GPC5: variants seen among roughly 807,000 people sequenced by gnomAD.
GPC5 encodes the protein glypican 5, also known as glypican-5.
Under a neutral mutation model 53.9 loss-of-function variants are expected in GPC5, and 47 were observed. The observed-to-expected ratio is 0.87, with a 90% CI of 0.69 to 1.11. GPC5 has a LOEUF of 1.11. Ranked by LOEUF, GPC5 falls within the 50% of genes most tolerant of loss-of-function variation. The pLI, the probability that GPC5 is intolerant of heterozygous loss-of-function variation, is 0.00. For synonymous variants in GPC5, 286 were observed against 263.3 expected, an observed-to-expected ratio of 1.09 and a Z score of -0.84; for missense variants, 748 against 713.1, an observed-to-expected ratio of 1.05 and a Z score of -0.56.
intron 7 of GPC5, among the ~76,000 whole-genome samples, chr13:92,482,556 C>A (rs1879398192): frequency 1.3e-5 from 2 of 152,244 alleles, no homozygotes; most frequent in South Asian, 4.1e-4. Context: ...TTCTTTCCAG[C>A]TTTGGCCAGG....
intron 7 of GPC5, among the ~76,000 whole-genome samples, chr13:92,769,046 G>T (rs114142836): frequency 2.0e-3 from 311 of 152,210 alleles, no homozygotes; most frequent in African/African-American, 7.1e-3. Context: ...CTTACAGATT[G>T]TATATAACTA....
intron 7 of GPC5, among the ~76,000 whole-genome samples, chr13:92,476,741 G>T (rs1239676122): frequency 4.0e-5 from 6 of 148,434 alleles, no homozygotes; most frequent in Non-Finnish European, 5.9e-5. Flanking sequence ...CATGTCCTTT[G>T]TAGGGACATG....
At chr13:92,067,178 T>G (rs2041174087) in intron 6 of GPC5, among the ~76,000 whole-genome samples, 1 of 152,090 alleles carries the variant, frequency 6.6e-6, no homozygotes, top group Non-Finnish European at 1.5e-5. Flanking sequence ...TGGGACTATT[T>G]GCTCCGTTTC....
chr13:91,823,477 T>C (rs1204552254), intron 5 of GPC5, among the ~76,000 whole-genome samples: 4 of 152,104 alleles, frequency 2.6e-5, no homozygotes, highest in Non-Finnish European at 5.9e-5. Context: ...GAAAGTAAAT[T>C]AATGCTCCCA....
chr13:91,399,474 G>A (rs573159838), intron 1 of GPC5, among the ~76,000 whole-genome samples: 21 of 152,306 alleles, frequency 1.4e-4, no homozygotes, highest in African/African-American at 5.1e-4. Context: ...CTTGGAGGAT[G>A]AGTTGGAAGG....
Position 91,619,631 on chromosome 13 carries a change from T to A in GPC5, c.326-73556T>A, listed in dbSNP as rs140291766. On this transcript the variant is annotated intron_variant, in intron 2 of 7. Transcript: ENST00000377067. The stretch of plus-strand genomic sequence containing the variant: ...TAATTTAACTGGAGAAAATTTAGGA[T>A]CCATGAATGTCACACACACACAGAA... Among the ~76,000 whole-genome samples, 341 of 152,168 alleles carry A rather than the reference T, an allele frequency of 2.2e-3. 3 individuals carry two copies. Among genetic ancestry groups the A allele is most frequent in the African/African-American group, 7.8e-3 (324 of 41,526 alleles).
At chr13:91,770,714 GTGT>G (rs1191592593) in intron 5 of GPC5, among the ~76,000 whole-genome samples, 1 of 151,482 alleles carries the variant, frequency 6.6e-6, no homozygotes, top group African/African-American at 2.4e-5. Flanking sequence ...TTGTGTGTGT[GTGT>G]GTGTGTGTGT....
At chr13:92,799,142 T>C (rs1019237929) in intron 7 of GPC5, among the ~76,000 whole-genome samples, 2 of 151,714 alleles carry the variant, frequency 1.3e-5, no homozygotes, top group Admixed American at 6.6e-5. Context: ...CTGTGGTAAA[T>C]GAGGATATTT....
intron 5 of GPC5, among the ~76,000 whole-genome samples, chr13:91,761,277 T>C (rs1305790066): frequency 6.6e-6 from 1 of 152,168 alleles, no homozygotes; most frequent in Admixed American, 6.5e-5. Flanking sequence ...AGTACCTTTT[T>C]GAAGAAAACT....
intron 7 of GPC5, among the ~76,000 whole-genome samples, chr13:92,369,913 T>C (rs1467750052): frequency 6.6e-6 from 1 of 152,194 alleles, no homozygotes; most frequent in East Asian, 1.9e-4. Context: ...AGTCAACAAA[T>C]AGTTAATAAA....
intron 7 of GPC5, among the ~76,000 whole-genome samples, chr13:92,609,445 A>G (rs1011114056): frequency 2.0e-5 from 3 of 152,196 alleles, no homozygotes; most frequent in Admixed American, 2.0e-4. Context: ...AAAGGAAAAC[A>G]CTGGAAATGG....
chr13:91,596,323 T>C lies in GPC5; in HGVS notation c.326-96864T>C, dbSNP rs561851868. 3.9e-5 allele frequency among the ~76,000 whole-genome samples: 6 copies of C among 152,352 alleles called. No individual in the cohort carries two copies. The South Asian group carries it at 1.2e-3, about 32-fold the overall frequency. ...CAATATGTTTATCTCTGCCTTTAAA[T>C]TATTATGGCTAGATCACATGCTATG... On this transcript the variant is annotated intron_variant, in intron 2 of 7. Transcript: ENST00000377067.
At chr13:91,460,893 A>C (rs1881890000) in intron 2 of GPC5, among the ~76,000 whole-genome samples, 1 of 152,178 alleles carries the variant, frequency 6.6e-6, no homozygotes, top group Admixed American at 6.5e-5. Flanking sequence ...TCAGACAAAT[A>C]GAGGACTTAA....
At chr13:91,585,629 G>T (rs937065399) in intron 2 of GPC5, among the ~76,000 whole-genome samples, 2 of 152,182 alleles carry the variant, frequency 1.3e-5, no homozygotes, top group Non-Finnish European at 2.9e-5. Flanking sequence ...TTGTGTTTGG[G>T]GGGTGGAGGG....
At chr13:91,686,636 T>G (rs968245579) in intron 2 of GPC5, among the ~76,000 whole-genome samples, 4 of 151,936 alleles carry the variant, frequency 2.6e-5, no homozygotes, top group Non-Finnish European at 5.9e-5. Context: ...TCAAAAGAAT[T>G]ATTACTATTA....
At chr13:92,732,441 G>C (rs536816884) in intron 7 of GPC5, among the ~76,000 whole-genome samples, 1 of 151,418 alleles carries the variant, frequency 6.6e-6, no homozygotes, top group South Asian at 2.1e-4. Flanking sequence ...TTAAAATTAG[G>C]GTTAGCCACT....
chr13:92,284,670 C>T lies in GPC5; in HGVS notation c.1561+139681C>T, dbSNP rs554511418. The stretch of plus-strand genomic sequence containing the variant: ...TGATTATCTCAATAGATGCAGAAAA[C>T]GCCTCTGACAAAATTCAACAGCCCT... On this transcript the variant is annotated intron_variant, in intron 7 of 7. Transcript: ENST00000377067. 1.2e-4 allele frequency among the ~76,000 whole-genome samples: 18 copies of T among 152,132 alleles called. No homozygotes were observed. The South Asian group carries it at 1.7e-3, about 14-fold the overall frequency.
rs143563931 is a variant in GPC5 at position 92,098,058 on chromosome 13, A to G, written c.1402-46772A>G. 2.6e-5 allele frequency among the ~76,000 whole-genome samples: 4 copies of G among 152,224 alleles called. No homozygotes were observed. The East Asian group carries it at 7.7e-4, about 29-fold the overall frequency. On this transcript the variant is annotated intron_variant, in intron 6 of 7. Transcript: ENST00000377067. ...AGGGATACATGTGCAGGTTTGTTATATAGGGAAACTCATGTCACCAGGGTT... is the reference window on the plus strand; with the variant it reads ...AGGGATACATGTGCAGGTTTGTTATGTAGGGAAACTCATGTCACCAGGGTT...
At chr13:91,802,360 C>T (rs9515973) in intron 5 of GPC5, among the ~76,000 whole-genome samples, 76,581 of 151,882 alleles carry the variant, frequency 0.5, 20,105 homozygotes, top group East Asian at 0.74. Context: ...CCGGTGGGTT[C>T]GTGGTCTCAC....
Sources: allele counts gnomAD v4.1 joint callset (sites outside exome capture counted in the v4.1 genomes callset), GRCh38; gene constraint gnomAD v4.1.1; transcripts MANE v1.5; gene names NCBI Gene and HGNC (gene_info 2026-07-23, HGNC 2026-07-21).